The following PLEKHG5 variants were observed in gnomAD, a reference collection of about 807,000 sequenced individuals.
PLEKHG5 encodes the protein pleckstrin homology and RhoGEF domain containing G5, also known as pleckstrin homology domain-containing family G member 5.
A neutral mutation model predicts 103.8 loss-of-function variants in PLEKHG5; 52 were observed. That is an observed-to-expected ratio of 0.50 (90% confidence interval 0.40 to 0.63). The LOEUF (loss-of-function observed/expected upper bound fraction) is 0.63, where lower values mean the gene tolerates loss of function less well. Among genes scored for constraint, PLEKHG5 ranks in the 30% least tolerant of loss-of-function variants. The pLI is 0.00. For synonymous variants in PLEKHG5, 592 were observed against 575.5 expected (o/e 1.03, Z -0.41); for missense variants, 1,205 against 1,347.6 (o/e 0.89, Z 1.66).
chr1:6,477,836 T>C (rs1644805047), intron 1 of PLEKHG5, among the ~76,000 whole-genome samples, 178 bp from the exon 2 acceptor site: 1 of 150,082 alleles, frequency 6.7e-6, no homozygotes, highest in African/African-American at 2.5e-5. Flanking sequence ...TGCTGGATCA[T>C]TTCCCCCACT....
At position 6,468,246 on chromosome 1, in the gene PLEKHG5, C is replaced by G; in HGVS notation, c.2590G>C (p.Val864Leu). The G allele has an allele frequency of 6.2e-7, 1 of 1,600,104 alleles. No individual in the cohort carries two copies. The highest frequency in any genetic ancestry group is 8.5e-7 in the Non-Finnish European group (1 of 1,171,266). The change falls in exon 20 of 21, where the codon GTC becomes CTC. Residue 864 changes from valine (V) to leucine (L), a missense_variant. Physicochemically the swap from Val to Leu is conservative, Grantham distance 32. Coordinates refer to ENST00000377728, the MANE Select transcript of PLEKHG5 (RefSeq NM_020631.6). ...PSPRLRRRTP[V>L]QLLSCPPHLL... ...TGGGGCGGGCAGCTCAACAGCTGGA[C>G]AGGGGTGCGGCGGCGGAGACGGGGC... is the stretch of plus-strand genomic sequence containing the variant.
At chr1:6,488,756 C>T (rs1053247507) in intron 1 of PLEKHG5, among the ~76,000 whole-genome samples, 3 of 152,134 alleles carry the variant, frequency 2.0e-5, no homozygotes, top group African/African-American at 7.2e-5. Flanking sequence ...GAAGTCCTGG[C>T]CCCCAACTCC....
chr1:6,469,480 G>A, intron 17 of PLEKHG5, 30 bp from the exon 18 acceptor site: 1 of 1,613,352 alleles, frequency 6.2e-7, no homozygotes, highest in Non-Finnish European at 8.5e-7. Flanking sequence ...GTCAGTGTCA[G>A]CAGAGACGAT....
At chr1:6,518,996 C>A (rs991673175) in intron 1 of PLEKHG5, among the ~76,000 whole-genome samples, 1 of 152,200 alleles carries the variant, frequency 6.6e-6, no homozygotes, top group Non-Finnish European at 1.5e-5. Flanking sequence ...GTGCGTGCCA[C>A]CACGCCCAGC....
At chr1:6,485,019 G>A (rs1221754070) in intron 1 of PLEKHG5, among the ~76,000 whole-genome samples, 1 of 152,178 alleles carries the variant, frequency 6.6e-6, no homozygotes, top group Non-Finnish European at 1.5e-5. Flanking sequence ...AAGGAAAGGA[G>A]AGGGGCGGCC....
chr1:6,497,303 TC>T, upstream of PLEKHG5: 2 of 1,089,436 alleles, frequency 1.8e-6, no homozygotes, highest in Non-Finnish European at 1.3e-6. This position sits in a 1 kb window ranked among gnomAD's most constrained non-coding sequence, Gnocchi z 6.1. Context: ...GTCCGCCGGG[TC>T]CCCGCCTGCA....
exon 1 of PLEKHG5, chr1:6,519,774 C>T: frequency 3.4e-6 from 2 of 583,656 alleles, no homozygotes; most frequent in Non-Finnish European, 6.1e-6. Context: ...AAGGCACAGA[C>T]TTCGCAGCCG....
In PLEKHG5 at chr1:6,505,309, G is replaced by A. The variant is rs546503084; in HGVS notation, c.-164-8740C>T. The stretch of plus-strand genomic sequence containing the variant: ...AGCCCACGATGCCGACCAGCCTACG[G>A]TGCCGACCAGCTGAGCTGAGCGGAC... On this transcript the variant is annotated intron_variant, in intron 1 of 21. Transcript: ENST00000377740. The surrounding 1 kb of genome is among the most constrained non-coding windows in gnomAD (Gnocchi z 4.2). Among the ~76,000 whole-genome samples, 1 of 152,136 alleles carries A rather than the reference G, an allele frequency of 6.6e-6. No individual in the cohort carries two copies. Among genetic ancestry groups the A allele is most frequent in the African/African-American group, 2.4e-5 (1 of 41,502 alleles).
chr1:6,516,798 G>GTA (rs34796386), intron 1 of PLEKHG5, among the ~76,000 whole-genome samples: 137,762 of 143,400 alleles, frequency 0.96, 66,311 homozygotes, highest in Non-Finnish European at 1. Flanking sequence ...ATATATATGT[G>GTA]TATATATATG....
Position 6,490,382 on chromosome 1 carries a change from G to A in PLEKHG5, c.-88+1255C>T. ...TCCGGGTTCTGTCCATCGGTTTAGG[G>A]GGGTCCTGGCGCCTAGTCCCACCCC... On this transcript the variant is annotated intron_variant, in intron 1 of 20. Coordinates refer to ENST00000377728, the MANE Select transcript of PLEKHG5 (RefSeq NM_020631.6). This position sits in a 1 kb window ranked among gnomAD's most constrained non-coding sequence, Gnocchi z 8.0. The A allele has an allele frequency of 2.4e-5, 22 of 904,428 alleles. No homozygotes were observed. The highest frequency in any genetic ancestry group is 2.9e-5 in the Non-Finnish European group (22 of 756,676). 56.0% of individuals were successfully genotyped at this position (904,428 alleles called of 1,614,324 possible).
chr1:6,498,114 C>G (rs1020986746), upstream of PLEKHG5, among the ~76,000 whole-genome samples: 1 of 152,218 alleles, frequency 6.6e-6, no homozygotes, highest in African/African-American at 2.4e-5. Flanking sequence ...CTTTGCCCTA[C>G]AGAAACAGCC....
At chr1:6,468,896 GGAC>G (rs1557736333) in intron 19 of PLEKHG5, 143 bp downstream of exon 19, 1 of 762,882 alleles carries the variant, frequency 1.3e-6, no homozygotes, top group African/African-American at 1.7e-5. Flanking sequence ...CTCCCCACCC[GGAC>G]TCTGGGGGAG....
chr1:6,502,564 G>A (rs536190910), intron 1 of PLEKHG5, among the ~76,000 whole-genome samples: 6 of 152,236 alleles, frequency 3.9e-5, no homozygotes, highest in Non-Finnish European at 8.8e-5. Flanking sequence ...CACTTCCTCC[G>A]GCTGAGGCTA....
Position 6,472,992 on chromosome 1 carries a change from C to T in PLEKHG5, c.978G>A (p.Gly326=). ...CACTGTGGCCCGCACTCACCTCATGCCCATCAATGAGCTCCCGCCAGCTGT... is the reference window on the plus strand; with the variant it reads ...CACTGTGGCCCGCACTCACCTCATGTCCATCAATGAGCTCCCGCCAGCTGT... The part of the protein sequence containing the change: ...LEDSWRELID[G]HEKLTRRQCH... The change falls in exon 9 of 21, where the codon GGG becomes GGA. Residue 326 remains glycine (G), a synonymous_variant. Coordinates refer to ENST00000377728, the MANE Select transcript of PLEKHG5 (RefSeq NM_020631.6). 1 of 1,613,876 alleles carries T rather than the reference C, an allele frequency of 6.2e-7. No individual in the cohort carries two copies. The highest frequency in any genetic ancestry group is 8.5e-7 in the Non-Finnish European group (1 of 1,179,858).
intron 6 of PLEKHG5, 73 bp downstream of exon 6, chr1:6,474,378 C>A: frequency 6.3e-7 from 1 of 1,577,368 alleles, no homozygotes; most frequent in South Asian, 1.1e-5. Flanking sequence ...GGAACCTGAG[C>A]CTGGGAAGGG....
chr1:6,471,337 G>A, intron 12 of PLEKHG5, 151 bp downstream of exon 12: 1 of 964,382 alleles, frequency 1.0e-6, no homozygotes, highest in Non-Finnish European at 1.5e-6. Flanking sequence ...CGACCGCCTC[G>A]TAATTCCTCA....
upstream of PLEKHG5, chr1:6,496,846 G>T: frequency 1.6e-6 from 1 of 641,214 alleles, no homozygotes; most frequent in Non-Finnish European, 2.5e-6. Context: ...CTAGTCTGGG[G>T]GACAAGTGGG....
Position 6,467,455 on chromosome 1 carries a change from C to CG in PLEKHG5, c.*107dup. ...GTAGGCAGGGATCCTGCCCAGCATCCGGCTCATGCATACAGGAGGCAGTAG... is the reference window on the plus strand; with the variant it reads ...GTAGGCAGGGATCCTGCCCAGCATCCGGGCTCATGCATACAGGAGGCAGTAG... On this transcript the variant is annotated 3_prime_UTR_variant, in exon 21 of 21. Coordinates refer to ENST00000377728, the MANE Select transcript of PLEKHG5 (RefSeq NM_020631.6). 1 of 1,107,090 alleles carries CG rather than the reference C, an allele frequency of 9.0e-7. No homozygotes were observed. The allele number at this position is 1,107,090 out of a possible 1,614,324, so 68.6% of individuals were successfully genotyped here.
intron 1 of PLEKHG5, among the ~76,000 whole-genome samples, chr1:6,502,406 C>T (rs1645305170): frequency 6.6e-6 from 1 of 152,252 alleles, no homozygotes. Flanking sequence ...CTGGCGTAGT[C>T]CCCGGGGACC....
Sources: gnomAD v4.1 joint callset for allele counts (sites outside exome capture counted in the v4.1 genomes callset) on GRCh38, gnomAD v4.1.1 for gene constraint, Gnocchi (gnomAD v3.1) non-coding constraint, MANE v1.5 for transcripts, NCBI Gene and HGNC (gene_info 2026-07-23, HGNC 2026-07-21) for gene names.